SBF2: variants seen among roughly 807,000 people sequenced by gnomAD.
The protein encoded by SBF2 is myotubularin-related protein 13.
SBF2 carries 112 observed loss-of-function variants against 225.2 expected under a neutral mutation model. That is an observed-to-expected ratio of 0.50 (90% CI 0.43 to 0.58). The LOEUF (loss-of-function observed/expected upper bound fraction) is 0.58, where lower values mean the gene tolerates loss of function less well. Among genes scored for constraint, SBF2 ranks in the 20% least tolerant of loss-of-function variants. SBF2 has a pLI of 0.00. For missense variants in SBF2, 1,996 were observed against 2,206.2 expected, an observed-to-expected ratio of 0.90 and a Z score of 1.91; for synonymous variants, 763 against 773.3, an observed-to-expected ratio of 0.99 and a Z score of 0.22.
chr11:10,174,190 G>T (rs1313994785), intron 2 of SBF2, among the ~76,000 whole-genome samples: 2 of 152,152 alleles, frequency 1.3e-5, no homozygotes, highest in East Asian at 1.9e-4. Flanking sequence ...AGACAAGAAG[G>T]CTTCAGACGA....
At position 10,074,836 on chromosome 11, in the gene SBF2, C is replaced by T. The variant is rs774941599; in HGVS notation, c.142-31855G>A. Among the ~76,000 whole-genome samples, 11 of 152,134 alleles carry T rather than the reference C, an allele frequency of 7.2e-5. No homozygotes were observed. The South Asian group carries it at 1.0e-3, about 14-fold the overall frequency. ...TATAGCCAGGTCAATTTTGTTTACA[C>T]ATATATTAAATACAATTTGCTAAAT... On this transcript the variant is annotated intron_variant, in intron 2 of 39. Transcript: ENST00000256190.
At position 9,794,518 on chromosome 11, in the gene SBF2, A is replaced by G. The variant is rs536233314; in HGVS notation, c.4570+1313T>C. On this transcript the variant is annotated intron_variant, in intron 33 of 39. Coordinates refer to ENST00000256190, the MANE Select transcript of SBF2 (RefSeq NM_030962.4). ...TGTCTCTACTAAAAATACAAAAATTAGCCAGGCATGGTGGCACAGGCCTCT... is the reference window on the plus strand; with the variant it reads ...TGTCTCTACTAAAAATACAAAAATTGGCCAGGCATGGTGGCACAGGCCTCT... Among the ~76,000 whole-genome samples, 10 of 151,760 alleles carry G rather than the reference A, an allele frequency of 6.6e-5. No homozygotes were observed. The East Asian group carries it at 1.9e-3, about 30-fold the overall frequency.
At chr11:10,141,302 A>G (rs538396614) in intron 2 of SBF2, among the ~76,000 whole-genome samples, 1 of 152,320 alleles carries the variant, frequency 6.6e-6, no homozygotes, top group South Asian at 2.1e-4. Flanking sequence ...TGTGCTCTTG[A>G]TGGGAATAGC....
intron 1 of SBF2, among the ~76,000 whole-genome samples, chr11:10,241,809 C>T (rs934529588): frequency 6.6e-6 from 1 of 151,972 alleles, no homozygotes; most frequent in Non-Finnish European, 1.5e-5. Flanking sequence ...AAATTAACAA[C>T]CATCTAAATA....
intron 2 of SBF2, among the ~76,000 whole-genome samples, chr11:10,115,108 T>C (rs1590988446): frequency 6.6e-6 from 1 of 152,232 alleles, no homozygotes; most frequent in African/African-American, 2.4e-5. Flanking sequence ...TATTTTTTAT[T>C]TTGATAGGAA....
Position 10,012,275 on chromosome 11 carries a change from A to C in SBF2, c.620-9586T>G, listed in dbSNP as rs540407703. On this transcript the variant is annotated intron_variant, in intron 6 of 39. Coordinates refer to ENST00000256190, the MANE Select transcript of SBF2 (RefSeq NM_030962.4). ...ATCCTCCTACCTCAGCTTCCTGCAT[A>C]GCTGGGACTAAGGGGTGCACCATCA... Among the ~76,000 whole-genome samples, 3 of 152,228 alleles carry C rather than the reference A, an allele frequency of 2.0e-5. No homozygotes were observed. The South Asian group carries it at 6.2e-4, about 32-fold the overall frequency.
chr11:10,219,225 A>G (rs201515579), intron 1 of SBF2, among the ~76,000 whole-genome samples: 2 of 152,210 alleles, frequency 1.3e-5, no homozygotes, highest in Admixed American at 6.5e-5. Flanking sequence ...ACAAACCTCA[A>G]TTCTTGACTT....
At chr11:9,808,618 A>T (rs1853985716) in intron 31 of SBF2, 1 of 419,690 alleles carries the variant, frequency 2.4e-6, no homozygotes, top group African/African-American at 2.0e-5. Context: ...CCCAGGAAGG[A>T]TGGTCCACGC....
At chr11:9,882,821 C>A (rs796956857) in intron 17 of SBF2, among the ~76,000 whole-genome samples, 77 of 111,662 alleles carry the variant, frequency 6.9e-4, no homozygotes, top group African/African-American at 1.7e-3. Flanking sequence ...AAAAAAAAAA[C>A]CACCAAAAAA....
intron 1 of SBF2, among the ~76,000 whole-genome samples, chr11:10,222,232 A>C (rs1958366337): frequency 6.6e-6 from 1 of 152,230 alleles, no homozygotes; most frequent in South Asian, 2.1e-4. Context: ...TATCCAAAAC[A>C]CAATCTAAAA....
At chr11:10,043,311 G>C (rs1259142676) in intron 2 of SBF2, among the ~76,000 whole-genome samples, 2 of 152,066 alleles carry the variant, frequency 1.3e-5, no homozygotes, top group African/African-American at 2.4e-5. Flanking sequence ...GAATACATTA[G>C]AAATCAAGGG....
intron 17 of SBF2, among the ~76,000 whole-genome samples, chr11:9,875,616 G>C (rs1321153170): frequency 6.6e-6 from 1 of 152,166 alleles, no homozygotes; most frequent in Admixed American, 6.5e-5. Context: ...GAAAATAACA[G>C]GGCCAGTGAA....
At chr11:10,052,375 C>T (rs76451099) in intron 2 of SBF2, among the ~76,000 whole-genome samples, 9,011 of 152,158 alleles carry the variant, frequency 0.059, 550 homozygotes, top group East Asian at 0.19. Flanking sequence ...TCTACCTTGA[C>T]TTCACCATTT....
intron 6 of SBF2, among the ~76,000 whole-genome samples, chr11:10,021,499 G>A (rs1309977442): frequency 6.6e-6 from 1 of 152,184 alleles, no homozygotes; most frequent in East Asian, 1.9e-4. Flanking sequence ...GTAAACAAGA[G>A]ATGAAGGCGA....
At chr11:9,786,016 A>G (rs1437773550) in intron 36 of SBF2, among the ~76,000 whole-genome samples, 1 of 152,020 alleles carries the variant, frequency 6.6e-6, no homozygotes, top group East Asian at 1.9e-4. Context: ...ACAGGCACAC[A>G]CTACCATGCC....
chr11:9,910,769 C>T (rs962541195), intron 16 of SBF2, among the ~76,000 whole-genome samples: 1 of 151,238 alleles, frequency 6.6e-6, no homozygotes, highest in African/African-American at 2.4e-5. Flanking sequence ...ACAGCTGGGG[C>T]TGGGTACGGT....
At chr11:9,941,635 TA>T (rs1865257493) in intron 16 of SBF2, among the ~76,000 whole-genome samples, 1 of 152,186 alleles carries the variant, frequency 6.6e-6, no homozygotes, top group Admixed American at 6.5e-5. Context: ...CAAAAACTCT[TA>T]AACCAGGAAT....
chr11:9,896,083 C>A (rs1861231153), intron 16 of SBF2, 72 bp from the exon 17 acceptor site: 1 of 1,137,884 alleles, frequency 8.8e-7, no homozygotes, highest in South Asian at 1.2e-5. Context: ...GAACTAACAT[C>A]TGGGATACAC....
intron 1 of SBF2, among the ~76,000 whole-genome samples, chr11:10,231,124 C>T (rs1184365488): frequency 6.6e-6 from 1 of 152,134 alleles, no homozygotes; most frequent in Non-Finnish European, 1.5e-5. Context: ...CTTGTGCATT[C>T]GTCACTTAAT....
Sources: allele counts gnomAD v4.1 joint callset (sites outside exome capture counted in the v4.1 genomes callset), GRCh38; gene constraint gnomAD v4.1.1; transcripts MANE v1.5; gene names NCBI Gene and HGNC (gene_info 2026-07-23, HGNC 2026-07-21).